The following LPCAT3 variants were observed in gnomAD, a reference collection of about 807,000 sequenced individuals.
The protein encoded by LPCAT3 is lysophosphatidylcholine acyltransferase 3.
A neutral mutation model predicts 63.4 loss-of-function variants in LPCAT3; 21 were observed. The observed-to-expected ratio is 0.33, with a 90% CI of 0.23 to 0.48. The LOEUF (loss-of-function observed/expected upper bound fraction) is 0.48. LPCAT3 is among the 20% of genes least tolerant of loss of function. The pLI, the probability that LPCAT3 is intolerant of heterozygous loss-of-function variation, is 0.99. For synonymous variants in LPCAT3, 242 were observed against 227.5 expected (o/e 1.06, Z -0.58); for missense variants, 451 against 590.6 (o/e 0.76, Z 2.45).
rs1946808126 is a variant in LPCAT3 at position 7,018,206 on chromosome 12, C to T, written c.151+68G>A. On this transcript the variant is annotated intron_variant, in intron 1 of 12. Coordinates refer to ENST00000261407, the MANE Select transcript of LPCAT3 (RefSeq NM_005768.6). The surrounding 1 kb of genome is among the most constrained non-coding windows in gnomAD (Gnocchi z 4.9). ...GTGGCTCCGGGAAGAGAGGGAGGTC[C>T]TGTCCCCATTCCTCCCCTACTCCCC... is the stretch of plus-strand genomic sequence containing the variant. The T allele has an allele frequency of 6.5e-7, 1 of 1,533,684 alleles. No homozygotes were observed.
chr12:6,988,171 C>T (rs782144248), intron 1 of LPCAT3: 1 of 197,964 alleles, frequency 5.1e-6, no homozygotes, highest in Non-Finnish European at 1.0e-5. Flanking sequence ...TTTTCAGGTG[C>T]GTTTTGCAGG....
At chr12:6,983,608 T>C in intron 1 of LPCAT3, 69 bp from the exon 2 acceptor site, 1 of 995,180 alleles carries the variant, frequency 1.0e-6, no homozygotes, top group Non-Finnish European at 1.6e-6. Context: ...TTTGGAAGTT[T>C]ATCTGGCATG....
At chr12:7,005,480 A>G (rs1382896059) in intron 1 of LPCAT3, among the ~76,000 whole-genome samples, 1 of 152,224 alleles carries the variant, frequency 6.6e-6, no homozygotes, top group Non-Finnish European at 1.5e-5. Flanking sequence ...GCTGGGTCAT[A>G]TGGTAACTGT....
intron 1 of LPCAT3, among the ~76,000 whole-genome samples, chr12:6,993,550 T>C (rs1258984122): frequency 6.6e-6 from 1 of 152,226 alleles, no homozygotes; most frequent in Non-Finnish European, 1.5e-5. Context: ...CATTCTCTCT[T>C]AACTCCCAGA....
chr12:7,005,758 C>T (rs1946721488), intron 1 of LPCAT3, among the ~76,000 whole-genome samples: 1 of 152,178 alleles, frequency 6.6e-6, no homozygotes, highest in Non-Finnish European at 1.5e-5. Flanking sequence ...TATTCATATC[C>T]ATTTTGTAAA....
intron 1 of LPCAT3, among the ~76,000 whole-genome samples, chr12:7,015,720 G>C (rs1481426274): frequency 2.0e-5 from 3 of 152,148 alleles, no homozygotes; most frequent in Non-Finnish European, 2.9e-5. Flanking sequence ...GGCAGGGTGT[G>C]GGAAATGGTA....
In LPCAT3 at chr12:6,981,066, C is replaced by T. The variant is rs1555153995; in HGVS notation, c.615G>A (p.Met205Ile). The T allele has an allele frequency of 1.2e-6, 2 of 1,613,090 alleles. No individual in the cohort carries two copies. Among genetic ancestry groups the T allele is most frequent in the African/African-American group, 2.7e-5 (2 of 74,964 alleles). The change falls in exon 6 of 13, where the codon ATG (methionine) becomes ATA (isoleucine). Residue 205 changes from methionine to isoleucine, a missense_variant. This residue lies in a region of LPCAT3 where 304 missense variants were observed against 390.8 expected (regional missense o/e 0.78). Transcript: ENST00000261407. Reference sequence around the variant, plus strand: ...CCTGCACCAGCTTCATGTAGTGATTCATTGAGAACTGGGGCCCTACCAAGA... The same window carrying T: ...CCTGCACCAGCTTCATGTAGTGATTTATTGAGAACTGGGGCCCTACCAAGA... ...GAFLVGPQFS[M>I]NHYMKLVQGE...
chr12:7,003,640 C>T (rs1205070141), intron 1 of LPCAT3, among the ~76,000 whole-genome samples: 3 of 152,016 alleles, frequency 2.0e-5, no homozygotes, highest in African/African-American at 7.2e-5. Flanking sequence ...ACCTAGGATG[C>T]GGCCGGGCGC....
intron 1 of LPCAT3, among the ~76,000 whole-genome samples, chr12:6,990,444 G>A (rs1555155349): frequency 6.8e-6 from 1 of 146,826 alleles, no homozygotes; most frequent in Non-Finnish European, 1.5e-5. Context: ...GGGAGGCAGA[G>A]CTTGCAGTGA....
In LPCAT3 at chr12:6,978,390, T is replaced by G. The variant is rs1555153596; in HGVS notation, c.991A>C (p.Thr331Pro). ...VWLFETNPRF[T>P]GTIASFNINT... ...ATGTTGAATGAGGCAATGGTGCCAG[T>G]GAAGCGGGGGTTTGTTTCAAAGAGC... is the stretch of plus-strand genomic sequence containing the variant. The change falls in exon 9 of 13, where the codon ACT becomes CCT. Residue 331 changes from threonine (T) to proline (P), a missense_variant. Thr to Pro is a conservative substitution (Grantham distance 38). This residue lies in a region of LPCAT3 where 304 missense variants were observed against 390.8 expected (regional missense o/e 0.78). Transcript: ENST00000261407. 1 of 1,613,716 alleles carries G rather than the reference T, an allele frequency of 6.2e-7. No homozygotes were observed. The highest frequency in any genetic ancestry group is 1.7e-5 in the Admixed American group (1 of 59,990).
intron 1 of LPCAT3, among the ~76,000 whole-genome samples, chr12:7,000,868 G>A: frequency 6.6e-6 from 1 of 151,720 alleles, no homozygotes; most frequent in Non-Finnish European, 1.5e-5. Flanking sequence ...CACCACGCCT[G>A]GCTAATTTTT....
Position 6,978,523 on chromosome 12 carries a change from T to G in LPCAT3, c.874-16A>C, listed in dbSNP as rs371533790. On this transcript the variant is annotated splice_polypyrimidine_tract_variant and intron_variant, in intron 8 of 12. Coordinates refer to ENST00000261407, the MANE Select transcript of LPCAT3 (RefSeq NM_005768.6). Reference sequence around the variant, plus strand: ...ATACTCCTTCCTGAGAGGGAATAGCTCAGTTAGGGCTCTTGCCACTCCCCA... The same window carrying G: ...ATACTCCTTCCTGAGAGGGAATAGCGCAGTTAGGGCTCTTGCCACTCCCCA... 1 of 1,611,880 alleles carries G rather than the reference T, an allele frequency of 6.2e-7. No homozygotes were observed. The highest frequency in any genetic ancestry group is 8.5e-7 in the Non-Finnish European group (1 of 1,178,314).
chr12:7,008,645 C>T (rs951279591), intron 1 of LPCAT3, among the ~76,000 whole-genome samples: 5 of 151,770 alleles, frequency 3.3e-5, no homozygotes, highest in African/African-American at 4.8e-5. Context: ...CCAGCTACTC[C>T]GGAGGCTGAG....
intron 1 of LPCAT3, among the ~76,000 whole-genome samples, chr12:6,985,931 T>A (rs1946521396): frequency 6.6e-6 from 1 of 151,842 alleles, no homozygotes; most frequent in Admixed American, 6.6e-5. Context: ...CCCGCCACCA[T>A]GCCCAGTGAA....
chr12:6,985,090 A>T (rs1946508205), intron 1 of LPCAT3, among the ~76,000 whole-genome samples: 2 of 1,432 alleles, frequency 1.4e-3, no homozygotes, highest in Non-Finnish European at 0.011. Context: ...CCCATACATT[A>T]AAAAAAAAAA....
intron 1 of LPCAT3, among the ~76,000 whole-genome samples, chr12:6,986,698 G>A (rs1257960329): frequency 6.7e-6 from 1 of 149,594 alleles, no homozygotes; most frequent in Non-Finnish European, 1.5e-5. Context: ...CAGGGGAATC[G>A]CTTGAACCTG....
intron 1 of LPCAT3, among the ~76,000 whole-genome samples, chr12:6,997,590 C>CTT (rs1205204101): frequency 7.7e-6 from 1 of 129,634 alleles, no homozygotes; most frequent in African/African-American, 2.8e-5. Context: ...ATTTTCTTTT[C>CTT]TTTTTTTTTT....
rs782039259 is a variant in LPCAT3, at chr12:6,981,587, G to T, written c.498+8C>A. On this transcript the variant is annotated splice_region_variant and intron_variant, in intron 5 of 12. Coordinates refer to ENST00000261407, the MANE Select transcript of LPCAT3 (RefSeq NM_005768.6). ...CTTGAACCTCTCTGCCGATGAATGGGTACTTACCTGATCTTTCCCTCCGTC... is the reference window on the plus strand; with the variant it reads ...CTTGAACCTCTCTGCCGATGAATGGTTACTTACCTGATCTTTCCCTCCGTC... 9 of 1,613,792 alleles carry T rather than the reference G, an allele frequency of 5.6e-6. No individual in the cohort carries two copies. The Admixed American group carries it at 1.0e-4, about 18-fold the overall frequency.
intron 3 of LPCAT3, among the ~76,000 whole-genome samples, chr12:6,982,327 C>T (rs1350348085): frequency 1.3e-5 from 2 of 152,194 alleles, no homozygotes; most frequent in African/African-American, 4.8e-5. Context: ...GTGTGAGCCA[C>T]TTTGCCTGGC....
Sources: gnomAD v4.1 joint callset for allele counts (sites outside exome capture counted in the v4.1 genomes callset) on GRCh38, gnomAD v4.1.1 for gene constraint, gnomAD v4.1.1 regional missense constraint, Gnocchi (gnomAD v3.1) non-coding constraint, MANE v1.5 for transcripts, NCBI Gene and HGNC (gene_info 2026-07-23, HGNC 2026-07-21) for gene names.